KAZN: variants seen among roughly 807,000 people sequenced by gnomAD.
KAZN encodes kazrin.
Under a neutral mutation model 87.4 loss-of-function variants are expected in KAZN, and 40 were observed. The ratio of observed to expected loss-of-function variants is 0.46; its 90% CI spans 0.36 to 0.60. The LOEUF is 0.60. Among genes scored for constraint, KAZN ranks in the 20% least tolerant of loss-of-function variants. The pLI, the probability that KAZN is intolerant of heterozygous loss-of-function variation, is 0.00. For missense variants in KAZN, 898 were observed against 1,073.9 expected (o/e 0.84, Z 2.29); for synonymous variants, 466 against 458.3 (o/e 1.02, Z -0.22).
chr1:14,990,390 T>C (rs1667237095), intron 2 of KAZN, among the ~76,000 whole-genome samples: 1 of 152,106 alleles, frequency 6.6e-6, no homozygotes, highest in Admixed American at 6.6e-5. Flanking sequence ...GCCCAGCTAA[T>C]TTTTTGTATT....
intron 2 of KAZN, among the ~76,000 whole-genome samples, chr1:14,322,756 G>T (rs931416724): frequency 1.3e-5 from 2 of 152,186 alleles, no homozygotes; most frequent in Non-Finnish European, 2.9e-5. Context: ...ACCAAGACAA[G>T]CCATCACTAT....
In KAZN at chr1:14,110,133, T is replaced by C. The variant is rs1478487281; in HGVS notation, c.92-70302T>C. Among the ~76,000 whole-genome samples the C allele has an allele frequency of 5.0e-5, 4 of 79,976 alleles. 1 individual carries two copies. Among genetic ancestry groups the C allele is most frequent in the Non-Finnish European group, 1.0e-4 (4 of 39,064 alleles). The allele number at this position is 79,976 out of a possible 152,430, so 52.5% of individuals were successfully genotyped here. A position where few individuals can be genotyped will look rare whatever the true frequency, so the allele number is the denominator to read the frequency against. ...GTGGTGCTGTGCAAATGCACTGTTT[T>C]TGAAAAATGCATTTAGTCAGCAGGG... is the stretch of plus-strand genomic sequence containing the variant. On this transcript the variant is annotated intron_variant, in intron 1 of 16. Coordinates refer to the KAZN transcript ENST00000636203.
At chr1:14,913,749 G>C (rs1478006612) in intron 1 of KAZN, among the ~76,000 whole-genome samples, 1 of 152,252 alleles carries the variant, frequency 6.6e-6, no homozygotes, top group African/African-American at 2.4e-5. Flanking sequence ...TCTGCCTTGA[G>C]TTGGAGAAGC....
intron 1 of KAZN, among the ~76,000 whole-genome samples, chr1:14,669,637 C>T (rs2148733215): frequency 6.6e-6 from 1 of 152,232 alleles, no homozygotes; most frequent in East Asian, 1.9e-4. Flanking sequence ...GTCCCAGCTA[C>T]TCAGGAGGCT....
At chr1:14,370,939 C>T (rs12748740) in intron 2 of KAZN, among the ~76,000 whole-genome samples, 6,414 of 152,266 alleles carry the variant, frequency 0.042, 140 homozygotes, top group East Asian at 0.055. Context: ...CCCACCTCAG[C>T]CTCCCAAAGT....
chr1:14,639,366 T>C (rs985685621), intron 1 of KAZN, among the ~76,000 whole-genome samples: 1 of 152,214 alleles, frequency 6.6e-6, no homozygotes, highest in Non-Finnish European at 1.5e-5. Flanking sequence ...CGATGCAGAA[T>C]ACAAACCAGC....
intron 1 of KAZN, among the ~76,000 whole-genome samples, chr1:14,708,853 G>A (rs554877024): frequency 4.6e-5 from 7 of 152,316 alleles, no homozygotes; most frequent in Admixed American, 6.5e-5. Flanking sequence ...TTGGTTTATC[G>A]TTTTGTTTGC....
chr1:14,384,265 G>A (rs1661657566), intron 2 of KAZN, among the ~76,000 whole-genome samples: 1 of 151,694 alleles, frequency 6.6e-6, no homozygotes, highest in Admixed American at 6.6e-5. Context: ...CTGCAAACAG[G>A]GATAATTTGA....
chr1:14,761,937 C>T (rs921133703), intron 1 of KAZN, among the ~76,000 whole-genome samples: 4 of 145,414 alleles, frequency 2.8e-5, no homozygotes, highest in African/African-American at 7.6e-5. Context: ...AAGCAGAAAT[C>T]GTAATATGCC....
intron 1 of KAZN, among the ~76,000 whole-genome samples, chr1:14,743,370 C>T (rs1419283702): frequency 6.6e-6 from 1 of 151,260 alleles, no homozygotes; most frequent in Non-Finnish European, 1.5e-5. Context: ...GCGGAGGTTA[C>T]AGTGAGCTGA....
At chr1:14,945,569 C>G (rs936704463) in intron 1 of KAZN, among the ~76,000 whole-genome samples, 1 of 152,252 alleles carries the variant, frequency 6.6e-6, no homozygotes. Context: ...GCTGGCTCCC[C>G]GGCCCGGCTC....
chr1:13,915,369 T>A (rs763937431), intron 1 of KAZN, among the ~76,000 whole-genome samples: 2 of 152,228 alleles, frequency 1.3e-5, no homozygotes, highest in Non-Finnish European at 1.5e-5. Flanking sequence ...AATGTTTTAG[T>A]CTATAACATT....
At chr1:13,942,026 C>T (rs1640945561) in intron 1 of KAZN, among the ~76,000 whole-genome samples, 1 of 152,078 alleles carries the variant, frequency 6.6e-6, no homozygotes, top group African/African-American at 2.4e-5. Context: ...TGGGTCTGGG[C>T]CAACAAATAT....
chr1:14,744,010 C>T (rs935836134), intron 1 of KAZN, among the ~76,000 whole-genome samples: 2 of 152,090 alleles, frequency 1.3e-5, no homozygotes, highest in African/African-American at 4.8e-5. Flanking sequence ...CGGACAAAAA[C>T]CACTCTTGGC....
Position 15,044,066 on chromosome 1 carries a change from A to T in KAZN, c.633A>T (p.Gln211His). The T allele has an allele frequency of 6.2e-7, 1 of 1,612,862 alleles. No individual in the cohort carries two copies. The highest frequency in any genetic ancestry group is 8.5e-7 in the Non-Finnish European group (1 of 1,179,848). ...LEREKWELRR[Q>H]AKEATDHATA... ...GTGAGAAGTGGGAGCTGCGGCGCCA[A>T]GCCAAGGAGGCCACAGACCACGCCA... The change falls in exon 4 of 15, where the codon CAA becomes CAT. Residue 211 changes from glutamine (Q) to histidine (H), a missense_variant. Transcript: ENST00000376030.
At chr1:14,278,850 A>C (rs1652611510) in intron 2 of KAZN, among the ~76,000 whole-genome samples, 1 of 149,946 alleles carries the variant, frequency 6.7e-6, no homozygotes, top group Non-Finnish European at 1.5e-5. Flanking sequence ...GCATGTTGTC[A>C]GTTGACATTT....
At chr1:15,103,527 A>AAATCACATGCG (rs2100719728) in intron 12 of KAZN, 67 bp downstream of exon 12, 1 of 942,956 alleles carries the variant, frequency 1.1e-6, no homozygotes, top group African/African-American at 1.6e-5. Context: ...ATCTATATGC[A>AAATCACATGCG]AATCAATATG....
At chr1:14,074,425 C>G (rs1026069057) in intron 1 of KAZN, among the ~76,000 whole-genome samples, 6 of 152,206 alleles carry the variant, frequency 3.9e-5, no homozygotes, top group African/African-American at 1.4e-4. Flanking sequence ...TTGACCATCT[C>G]CAGCTGAGGG....
At chr1:14,261,385 G>A (rs1651000622) in intron 2 of KAZN, among the ~76,000 whole-genome samples, 1 of 152,176 alleles carries the variant, frequency 6.6e-6, no homozygotes. Context: ...GATTATTATT[G>A]TTGTAATCTA....
Sources: gnomAD v4.1 joint callset for allele counts (sites outside exome capture counted in the v4.1 genomes callset) on GRCh38, gnomAD v4.1.1 for gene constraint, MANE v1.5 for transcripts, NCBI Gene and HGNC (gene_info 2026-07-23, HGNC 2026-07-21) for gene names.